ADCK1: variants seen among roughly 807,000 people sequenced by gnomAD.
The protein encoded by ADCK1 is aarF domain-containing protein kinase 1.
In ADCK1, 41 loss-of-function variants were observed where a neutral mutation model predicts 52.3. That is an observed-to-expected ratio of 0.78 (90% CI 0.61 to 1.02). The LOEUF (loss-of-function observed/expected upper bound fraction) is 1.02, where lower values mean the gene tolerates loss of function less well. Among genes scored for constraint, ADCK1 ranks in the 50% least tolerant of loss-of-function variants. ADCK1 has a pLI of 0.00. For missense variants in ADCK1, 658 were observed against 679.5 expected (o/e 0.97, Z 0.35); for synonymous variants, 250 against 274.6 (o/e 0.91, Z 0.89).
intron 4 of ADCK1, among the ~76,000 whole-genome samples, chr14:77,863,439 T>C (rs963056670): frequency 1.3e-5 from 2 of 151,978 alleles, no homozygotes; most frequent in Non-Finnish European, 2.9e-5. Context: ...TATGCTGTTA[T>C]CTTTGGTCAT....
At chr14:77,866,473 G>C (rs1299643929) in intron 4 of ADCK1, among the ~76,000 whole-genome samples, 1 of 152,134 alleles carries the variant, frequency 6.6e-6, no homozygotes, top group Non-Finnish European at 1.5e-5. Context: ...TGGGTTTCTA[G>C]GGCTCTGTCT....
intron 1 of ADCK1, among the ~76,000 whole-genome samples, chr14:77,812,810 G>T (rs773176509): frequency 7.3e-5 from 11 of 151,608 alleles, no homozygotes; most frequent in Non-Finnish European, 1.3e-4. Context: ...GGCTAGTCTC[G>T]AACTCCTGGG....
intron 7 of ADCK1, among the ~76,000 whole-genome samples, chr14:77,919,412 C>T (rs1247963860): frequency 1.3e-5 from 2 of 152,210 alleles, no homozygotes; most frequent in African/African-American, 4.8e-5. Flanking sequence ...CTGCAAATGT[C>T]ATTATTTCAT....
chr14:77,924,247 T>C (rs2084129859), intron 7 of ADCK1: 2 of 608,514 alleles, frequency 3.3e-6, no homozygotes, highest in Non-Finnish European at 5.5e-6. Flanking sequence ...ACCGCCCACA[T>C]GGTTTCATGA....
At chr14:77,866,077 AT>A (rs1181888878) in intron 4 of ADCK1, among the ~76,000 whole-genome samples, 6 of 152,110 alleles carry the variant, frequency 3.9e-5, no homozygotes, top group Non-Finnish European at 1.5e-5. Flanking sequence ...TCATTAGGTG[AT>A]TTTGTTGCTG....
chr14:77,897,444 T>C (rs574243589), intron 5 of ADCK1, among the ~76,000 whole-genome samples: 82 of 152,328 alleles, frequency 5.4e-4, no homozygotes, highest in African/African-American at 1.8e-3. Flanking sequence ...GGATTGTGTC[T>C]CTGCTCATGG....
chr14:77,831,669 C>T (rs1399652969), intron 3 of ADCK1, among the ~76,000 whole-genome samples: 3 of 151,936 alleles, frequency 2.0e-5, no homozygotes, highest in South Asian at 4.2e-4. Flanking sequence ...ACTGCAGCCT[C>T]GACCTCCTGG....
At position 77,838,002 on chromosome 14, in the gene ADCK1, C is replaced by T. The variant is rs979530839; in HGVS notation, c.219+15484C>T. ...GCTGTAATATAACTAATAAAATTGA[C>T]GGAAGGCACTCCGCAGCCGTAAGGG... On this transcript the variant is annotated intron_variant, in intron 3 of 10. Coordinates refer to ENST00000238561, the MANE Select transcript of ADCK1 (RefSeq NM_020421.4). Among the ~76,000 whole-genome samples, 10 of 152,126 alleles carry T rather than the reference C, an allele frequency of 6.6e-5. No individual in the cohort carries two copies. The South Asian group carries it at 1.2e-3, about 19-fold the overall frequency.
rs2140123154 is a variant in ADCK1 at position 77,853,152 on chromosome 14, G to A, written c.220-5924G>A. 2.0e-5 allele frequency among the ~76,000 whole-genome samples: 3 copies of A among 151,042 alleles called. No homozygotes were observed. In the South Asian group the frequency reaches 6.3e-4, roughly 32 times the overall value. On this transcript the variant is annotated intron_variant, in intron 3 of 10. Transcript: ENST00000238561. The stretch of plus-strand genomic sequence containing the variant: ...TTTTTCATCTCTAAAAGTTTGATAG[G>A]GTTCTCTTTCTGTCTCTTTTATGTC...
At chr14:77,813,618 A>C (rs563012123) in intron 1 of ADCK1, among the ~76,000 whole-genome samples, 1 of 151,554 alleles carries the variant, frequency 6.6e-6, no homozygotes, top group South Asian at 2.1e-4. Context: ...TGAGTTTCTT[A>C]AATTATTTCC....
At chr14:77,925,217 G>A (rs2084161400) in intron 8 of ADCK1, among the ~76,000 whole-genome samples, 1 of 152,216 alleles carries the variant, frequency 6.6e-6, no homozygotes, top group African/African-American at 2.4e-5. Flanking sequence ...ATTAGTTTAG[G>A]GTAGGCTAGC....
chr14:77,851,364 C>T (rs1013372520), intron 3 of ADCK1, among the ~76,000 whole-genome samples: 2 of 152,160 alleles, frequency 1.3e-5, no homozygotes, highest in Non-Finnish European at 2.9e-5. Context: ...GATCTGTCCA[C>T]TTTGGCCTCC....
At chr14:77,818,017 C>T (rs564693948) in intron 1 of ADCK1, among the ~76,000 whole-genome samples, 16 of 152,152 alleles carry the variant, frequency 1.1e-4, no homozygotes, top group South Asian at 2.1e-4. Flanking sequence ...GGATTACAGG[C>T]GTGAGCCACC....
chr14:77,898,872 A>C (rs1000199065), intron 5 of ADCK1, among the ~76,000 whole-genome samples: 4 of 152,228 alleles, frequency 2.6e-5, no homozygotes, highest in African/African-American at 9.6e-5. Flanking sequence ...AGTGGTAGTC[A>C]TGGTTACCGA....
chr14:77,925,413 T>C (rs1157239312), intron 8 of ADCK1, among the ~76,000 whole-genome samples: 2 of 152,218 alleles, frequency 1.3e-5, no homozygotes, highest in African/African-American at 4.8e-5. Flanking sequence ...GGAAAGTTTC[T>C]GTGGGCCAGG....
At chr14:77,842,421 T>C (rs543299033) in intron 3 of ADCK1, among the ~76,000 whole-genome samples, 6 of 147,756 alleles carry the variant, frequency 4.1e-5, no homozygotes, top group South Asian at 4.3e-4. Flanking sequence ...TGAGGCCTTC[T>C]TCCCTGTATC....
chr14:77,909,069 A>G (rs2083731836), intron 7 of ADCK1, among the ~76,000 whole-genome samples: 1 of 149,222 alleles, frequency 6.7e-6, no homozygotes, highest in Admixed American at 6.7e-5. Context: ...GTGCAGCAAC[A>G]TGTTCTGCCC....
At chr14:77,837,601 G>A (rs10143701) in intron 3 of ADCK1, among the ~76,000 whole-genome samples, 16,315 of 152,238 alleles carry the variant, frequency 0.11, 969 homozygotes, top group Middle Eastern at 0.14. Context: ...TCCTCAGGCT[G>A]TGCCTGTAAC....
At chr14:77,852,903 A>ATT (rs1566668001) in intron 3 of ADCK1, among the ~76,000 whole-genome samples, 1 of 29,448 alleles carries the variant, frequency 3.4e-5, no homozygotes, top group African/African-American at 1.9e-4. Context: ...ATATATATAT[A>ATT]TATATTTTTT....
Sources: gnomAD v4.1 joint callset for allele counts (sites outside exome capture counted in the v4.1 genomes callset) on GRCh38, gnomAD v4.1.1 for gene constraint, MANE v1.5 for transcripts, NCBI Gene and HGNC (gene_info 2026-07-23, HGNC 2026-07-21) for gene names.